Variants in PHF19 observed in about 807,000 individuals in gnomAD.
PHF19 encodes polycomb like 3.
PHF19 carries 21 observed loss-of-function variants against 79.8 expected under a neutral mutation model. The observed-to-expected ratio is 0.26, with a 90% confidence interval of 0.19 to 0.38. The LOEUF is 0.38. Among genes scored for constraint, PHF19 ranks in the 10% least tolerant of loss-of-function variants. The pLI, the probability that PHF19 is intolerant of heterozygous loss-of-function variation, is 1.00. For synonymous variants in PHF19, 273 were observed against 296.3 expected (o/e 0.92, Z 0.81); for missense variants, 445 against 744.2 (o/e 0.60, Z 4.68).
rs1160248999 is a variant in PHF19 at position 120,866,832 on chromosome 9, C to T, written c.710+38G>A. On this transcript the variant is annotated intron_variant, in intron 7 of 14. Transcript: ENST00000373896. This position sits in a 1 kb window ranked among gnomAD's most constrained non-coding sequence, Gnocchi z 5.2. ...TGCTGCCATCCCTGCCCTCTCCCCACCACGCCCAAGGCCCACTTGGACCAA... is the reference window on the plus strand; with the variant it reads ...TGCTGCCATCCCTGCCCTCTCCCCATCACGCCCAAGGCCCACTTGGACCAA... The T allele has an allele frequency of 8.6e-7, 1 of 1,165,110 alleles. No individual in the cohort carries two copies. Among genetic ancestry groups the T allele is most frequent in the East Asian group, 2.3e-5 (1 of 42,618 alleles). The allele number at this position is 1,165,110 out of a possible 1,614,324, so 72.2% of individuals were successfully genotyped here.
At chr9:120,896,685 C>T (rs980891181), upstream of PHF19, among the ~76,000 whole-genome samples, 1 of 151,934 alleles carries the variant, frequency 6.6e-6, no homozygotes, top group East Asian at 1.9e-4. Flanking sequence ...GATCTCCTGA[C>T]CTCGTGATCC....
intron 1 of PHF19, among the ~76,000 whole-genome samples, chr9:120,883,326 C>A (rs938391053): frequency 3.9e-5 from 6 of 152,182 alleles, no homozygotes; most frequent in African/African-American, 1.4e-4. Context: ...GTCTCCCCAT[C>A]TGTTAAAGAT....
At chr9:120,900,521 G>C in the PHF19 span, among the ~76,000 whole-genome samples, 1 of 152,118 alleles carries the variant, frequency 6.6e-6, no homozygotes, top group Non-Finnish European at 1.5e-5. Flanking sequence ...GCTCATGGGT[G>C]ATTTTTGCTT....
At position 120,870,686 on chromosome 9, in the gene PHF19, T is replaced by C. The variant is rs1402877854; in HGVS notation, c.269-148A>G. On this transcript the variant is annotated intron_variant, in intron 3 of 14. Coordinates refer to ENST00000373896, the MANE Select transcript of PHF19 (RefSeq NM_015651.3). The surrounding 1 kb of genome is among the most constrained non-coding windows in gnomAD (Gnocchi z 4.4). ...CTGAATCTCCCCAACCACTCTGAGA[T>C]GCCTATCATCATTACCATTCGAAAG... 4.9e-6 allele frequency: 3 copies of C among 609,450 alleles called. No individual in the cohort carries two copies. In the Admixed American group the frequency reaches 8.4e-5, roughly 17 times the overall value. The allele number at this position is 609,450 out of a possible 1,614,324, so 37.8% of individuals were successfully genotyped here.
chr9:120,876,917 G>A lies in PHF19; in HGVS notation c.-16+174C>T, dbSNP rs1588126097. On this transcript the variant is annotated intron_variant, in intron 1 of 14. Coordinates refer to ENST00000373896, the MANE Select transcript of PHF19 (RefSeq NM_015651.3). ...TCGGGAACCCGGGTGGGGCCCCTCT[G>A]CCCCGCAGGTAACCTGCACCCCCGG... 5.2e-6 allele frequency: 5 copies of A among 955,142 alleles called. No individual in the cohort carries two copies. The African/African-American group carries it at 7.1e-5, about 13-fold the overall frequency. The allele number at this position is 955,142 out of a possible 1,614,324, so 59.2% of individuals were successfully genotyped here.
chr9:120,895,961 C>T (rs1164345042), upstream of PHF19, among the ~76,000 whole-genome samples: 1 of 152,136 alleles, frequency 6.6e-6, no homozygotes, highest in East Asian at 1.9e-4. Flanking sequence ...CCAAATTATA[C>T]ACTTTAAGTG....
chr9:120,877,381 G>A (rs2046097753), upstream of PHF19: 25 of 979,612 alleles, frequency 2.6e-5, no homozygotes, highest in Non-Finnish European at 3.0e-5. Flanking sequence ...CGGGGGCCGC[G>A]CCGGCCTCGC....
rs1215396394 is a variant in PHF19 at position 120,857,857 on chromosome 9, C to T, written c.*87G>A. 3.8e-6 allele frequency: 3 copies of T among 786,930 alleles called. No individual in the cohort carries two copies. Among genetic ancestry groups the T allele is most frequent in the Non-Finnish European group, 6.0e-6 (3 of 501,584 alleles). 48.7% of individuals were successfully genotyped at this position (786,930 alleles called of 1,614,324 possible). The stretch of plus-strand genomic sequence containing the variant: ...GCAGCTCTGTCCTGCTTCCTTCTCC[C>T]ACCCCAGCCTGGAGAAAGCTGGGGA... On this transcript the variant is annotated 3_prime_UTR_variant, in exon 15 of 15. Coordinates refer to ENST00000373896, the MANE Select transcript of PHF19 (RefSeq NM_015651.3).
chr9:120,890,273 C>CTTTTTTTT (rs10658749), intron 1 of PHF19, among the ~76,000 whole-genome samples: 3 of 115,396 alleles, frequency 2.6e-5, no homozygotes, highest in African/African-American at 8.1e-5. Flanking sequence ...AATGAGCCTG[C>CTTTTTTTT]TTTTTTTTTT....
At chr9:120,873,958 C>T in intron 3 of PHF19, 21 bp downstream of exon 3, 4 of 1,376,760 alleles carry the variant, frequency 2.9e-6, no homozygotes, top group African/African-American at 1.4e-5. Flanking sequence ...GGGGGCTACC[C>T]GAAATGTTAG....
Position 120,877,129 on chromosome 9 carries a change from G to T in PHF19, c.-54C>A, listed in dbSNP as rs2046086564. The stretch of plus-strand genomic sequence containing the variant: ...GTCCGCCGGTCCCACTTGGAGTCTG[G>T]CCACCAGGCGCATCGGTGGCGGAGG... On this transcript the variant is annotated 5_prime_UTR_variant, in exon 1 of 15. Coordinates refer to ENST00000373896, the MANE Select transcript of PHF19 (RefSeq NM_015651.3). 1 of 984,718 alleles carries T rather than the reference G, an allele frequency of 1.0e-6. No individual in the cohort carries two copies. The highest frequency in any genetic ancestry group is 6.2e-5 in the Admixed American group (1 of 16,214). The allele number at this position is 984,718 out of a possible 1,614,324, so 61.0% of individuals were successfully genotyped here.
the PHF19 span, among the ~76,000 whole-genome samples, chr9:120,900,978 C>T: frequency 1.3e-5 from 2 of 152,348 alleles, no homozygotes; most frequent in Non-Finnish European, 2.9e-5. Flanking sequence ...TGTGGACACC[C>T]GTGAGGTGGC....
chr9:120,864,000 T>C, intron 10 of PHF19, 49 bp downstream of exon 10: 1 of 1,455,844 alleles, frequency 6.9e-7, no homozygotes, highest in South Asian at 1.2e-5. Flanking sequence ...TAGGAAGGAA[T>C]CTCACCTGTA....
chr9:120,877,455 CG>C, upstream of PHF19: 1 of 676,690 alleles, frequency 1.5e-6, no homozygotes, highest in African/African-American at 2.0e-5. Context: ...CCGCCCGCCC[CG>C]CGGGCGCGCA....
chr9:120,872,037 C>CAAAAAAAAAAAAAAAAA (rs1170243737), intron 3 of PHF19, among the ~76,000 whole-genome samples: 6 of 30,322 alleles, frequency 2.0e-4, no homozygotes, highest in African/African-American at 4.0e-4. Context: ...GACTCTGTCT[C>CAAAAAAAAAAAAAAAAA]AAAAAAAAAA....
At chr9:120,872,778 A>T (rs2045941668) in intron 3 of PHF19, among the ~76,000 whole-genome samples, 1 of 146,996 alleles carries the variant, frequency 6.8e-6, no homozygotes, top group Non-Finnish European at 1.5e-5. Flanking sequence ...CTCCTGCCTC[A>T]GCCTCCCGGG....
At chr9:120,877,430 A>G (rs1326109925), upstream of PHF19, 2 of 856,318 alleles carry the variant, frequency 2.3e-6, no homozygotes, top group African/African-American at 1.9e-5. Context: ...CAGCGCCGCC[A>G]GCCCCCGCCC....
chr9:120,883,719 G>T (rs756228272), intron 1 of PHF19, among the ~76,000 whole-genome samples: 1 of 143,366 alleles, frequency 7.0e-6, no homozygotes, highest in East Asian at 2.1e-4. Flanking sequence ...AGATCACACC[G>T]TGCACTCCAG....
chr9:120,877,303 C>T, upstream of PHF19: 2 of 975,542 alleles, frequency 2.1e-6, no homozygotes, highest in South Asian at 4.6e-5. Context: ...GAAGGGGCCC[C>T]CCGGGCGCGG....
Sources: gnomAD v4.1 joint callset for allele counts (sites outside exome capture counted in the v4.1 genomes callset) on GRCh38, gnomAD v4.1.1 for gene constraint, Gnocchi (gnomAD v3.1) non-coding constraint, MANE v1.5 for transcripts, NCBI Gene and HGNC (gene_info 2026-07-23, HGNC 2026-07-21) for gene names.